Variants in CTDP1 observed in about 807,000 individuals in gnomAD.
CTDP1 encodes the protein CTD phosphatase 1.
A neutral mutation model predicts 91.8 loss-of-function variants in CTDP1; 47 were observed. The observed-to-expected ratio is 0.51, with a 90% CI of 0.41 to 0.65. The LOEUF (loss-of-function observed/expected upper bound fraction) is 0.65. Ranked by LOEUF, CTDP1 falls within the 30% of genes least tolerant of loss-of-function variation. The probability of loss-of-function intolerance (pLI) is 0.00; values close to 1 mark genes in which losing one functional copy is unlikely to be tolerated. For missense variants in CTDP1, 1,272 were observed against 1,373.7 expected (o/e 0.93, Z 1.17); for synonymous variants, 656 against 598.5 (o/e 1.10, Z -1.40).
At chr18:79,739,156 C>T (rs1041994723) in intron 12 of CTDP1, among the ~76,000 whole-genome samples, 3 of 152,220 alleles carry the variant, frequency 2.0e-5, no homozygotes, top group Admixed American at 6.5e-5. Context: ...GGATTTGCAG[C>T]GTGCTCTTTG....
In CTDP1 at chr18:79,697,102, G is replaced by A. The variant is rs112269429; in HGVS notation, c.493-758G>A. Among the ~76,000 whole-genome samples the A allele has an allele frequency of 6.3e-3, 961 of 152,298 alleles. 13 individuals carry two copies. The highest frequency in any genetic ancestry group is 0.022 in the African/African-American group (896 of 41,582). Reference sequence around the variant, plus strand: ...TTAAACAAATGTAAAATGTGTATGCGTAAACCAAAGCTGGCAAGTTTGAGG... The same window carrying A: ...TTAAACAAATGTAAAATGTGTATGCATAAACCAAAGCTGGCAAGTTTGAGG... On this transcript the variant is annotated intron_variant, in intron 3 of 12. Transcript: ENST00000613122.
chr18:79,721,980 C>T (rs487172), intron 10 of CTDP1, among the ~76,000 whole-genome samples: 3 of 151,834 alleles, frequency 2.0e-5, no homozygotes, highest in Non-Finnish European at 2.9e-5. Context: ...CGTGCCACCA[C>T]GCCTGGCTAA....
Position 79,713,920 on chromosome 18 carries a change from C to T in CTDP1, c.1031-571C>T, listed in dbSNP as rs1468791936. 1.4e-5 allele frequency among the ~76,000 whole-genome samples: 2 copies of T among 146,104 alleles called. No homozygotes were observed. The highest frequency in any genetic ancestry group is 2.5e-5 in the African/African-American group (1 of 40,060). On this transcript the variant is annotated intron_variant, in intron 7 of 12. Coordinates refer to ENST00000613122, the MANE Select transcript of CTDP1 (RefSeq NM_004715.5). The surrounding 1 kb of genome is among the most constrained non-coding windows in gnomAD (Gnocchi z 4.7). ...GTGGCGCCAGGTCTGCAGGGGCTTA[C>T]GGCCACGGTGGCGCCAGGTCTGCAG...
At chr18:79,684,516 G>A (rs1055732944) in intron 1 of CTDP1, among the ~76,000 whole-genome samples, 5 of 152,006 alleles carry the variant, frequency 3.3e-5, no homozygotes, top group African/African-American at 1.2e-4. Flanking sequence ...CCGTGCCCTC[G>A]TTGCCTGCAT....
At position 79,753,944 on chromosome 18, in the gene CTDP1, A is replaced by C; in HGVS notation, c.*154A>C. ...ATACAGAAACACATTATTTTGCAGA[A>C]ATAGGTGTTTTTAAGAAGTTTTACT... is the stretch of plus-strand genomic sequence containing the variant. On this transcript the variant is annotated 3_prime_UTR_variant, in exon 13 of 13. Coordinates refer to ENST00000613122, the MANE Select transcript of CTDP1 (RefSeq NM_004715.5). 9.1e-7 allele frequency: 1 copy of C among 1,094,942 alleles called. No homozygotes were observed. The highest frequency in any genetic ancestry group is 1.5e-5 in the South Asian group (1 of 64,858). 67.8% of individuals were successfully genotyped at this position (1,094,942 alleles called of 1,614,324 possible). A position where few individuals can be genotyped will look rare whatever the true frequency, so the allele number is the denominator to read the frequency against.
At position 79,680,089 on chromosome 18, in the gene CTDP1, G is replaced by C; in HGVS notation, c.142G>C (p.Val48Leu). The C allele has an allele frequency of 7.1e-7, 1 of 1,402,036 alleles. No individual in the cohort carries two copies. The highest frequency in any genetic ancestry group is 9.3e-7 in the Non-Finnish European group (1 of 1,077,378). The allele number at this position is 1,402,036 out of a possible 1,614,324, so 86.8% of individuals were successfully genotyped here. ...AAGAAVRIGSVLAVFEAAASA... is the reference protein window; with the variant it reads ...AAGAAVRIGSLLAVFEAAASA... The stretch of plus-strand genomic sequence containing the variant: ...GGGCGCGGCCGTGCGCATCGGCTCG[G>C]TGCTGGCCGTGTTCGAGGCCGCCGC... The change falls in exon 1 of 13, where the codon GTG (valine) becomes CTG (leucine). Residue 48 changes from valine (V) to leucine (L), a missense_variant. By Grantham distance (32) the Val-to-Leu change is conservative (BLOSUM62 1). This residue lies in a region of CTDP1 where 214 missense variants were observed against 179.1 expected (regional missense o/e 1.19). Transcript: ENST00000613122.
chr18:79,738,110 A>G (rs1051782840), intron 12 of CTDP1, among the ~76,000 whole-genome samples: 1 of 150,590 alleles, frequency 6.6e-6, no homozygotes, highest in East Asian at 2.0e-4. Context: ...GGTGGAGTAC[A>G]TCTCCCAGAA....
intron 1 of CTDP1, among the ~76,000 whole-genome samples, chr18:79,682,807 T>C (rs1384655149): frequency 3.3e-5 from 5 of 152,162 alleles, no homozygotes; most frequent in Non-Finnish European, 7.4e-5. Flanking sequence ...TGGAAGTCTT[T>C]CCATAATAGA....
rs1250877099 is a variant in CTDP1 at position 79,739,880 on chromosome 18, T to TCGGCGCTTGCTCCCTGCCTG, written c.2747+3360_2747+3361insGGCGCTTGCTCCCTGCCTGC. ...TACCCACGGCCGGGACGGGTGGGAC[T>TCGGCGCTTGCTCCCTGCCTG]CTCATACCCACGGCCGGGACGGGTG... On this transcript the variant is annotated intron_variant, in intron 12 of 12. Coordinates refer to ENST00000613122, the MANE Select transcript of CTDP1 (RefSeq NM_004715.5). Among the ~76,000 whole-genome samples, 13 of 3,616 alleles carry TCGGCGCTTGCTCCCTGCCTG rather than the reference T, an allele frequency of 3.6e-3. 1 individual carries two copies. Among genetic ancestry groups the TCGGCGCTTGCTCCCTGCCTG allele is most frequent in the East Asian group, 0.017 (4 of 232 alleles). The allele number at this position is 3,616 out of a possible 152,430, so 2.4% of individuals were successfully genotyped here.
At chr18:79,719,446 C>G (rs914671065) in intron 10 of CTDP1, among the ~76,000 whole-genome samples, 1 of 152,142 alleles carries the variant, frequency 6.6e-6, no homozygotes, top group Non-Finnish European at 1.5e-5. Flanking sequence ...ATTCTGATGA[C>G]AGGGAAGAGG....
At position 79,695,249 on chromosome 18, in the gene CTDP1, A is replaced by C. The variant is rs746265488; in HGVS notation, c.339A>C (p.Gly113=). Residue 113 remains glycine (G), a synonymous_variant, in exon 2 of 13, where the codon GGA becomes GGC. Coordinates refer to ENST00000613122, the MANE Select transcript of CTDP1 (RefSeq NM_004715.5). ...APGAVLVRLE[G]CSHPVVMKGL... ...GAGCGGTTCTGGTGAGGTTGGAAGG[A>C]TGCAGCCACCCGGTTGTCATGAAAG... The C allele has an allele frequency of 6.2e-7, 1 of 1,614,122 alleles. No individual in the cohort carries two copies. Among genetic ancestry groups the C allele is most frequent in the East Asian group, 2.2e-5 (1 of 44,878 alleles).
At chr18:79,718,127 T>C (rs886985886) in intron 10 of CTDP1, 111 bp downstream of exon 10, 2 of 1,261,542 alleles carry the variant, frequency 1.6e-6, no homozygotes, top group East Asian at 5.0e-5. Context: ...GGGTGGAGGC[T>C]GCAGACGGTG....
At chr18:79,719,158 C>T (rs751017561) in intron 10 of CTDP1, among the ~76,000 whole-genome samples, 6 of 152,260 alleles carry the variant, frequency 3.9e-5, no homozygotes, top group South Asian at 2.1e-4. Context: ...CCTCTGGAAA[C>T]GCGCTCTAGT....
chr18:79,742,181 T>TGAGA (rs35935192), intron 12 of CTDP1, among the ~76,000 whole-genome samples: 21 of 99,954 alleles, frequency 2.1e-4, no homozygotes, highest in African/African-American at 2.8e-4. Flanking sequence ...GCATGAAGCA[T>TGAGA]GAGAGAGAGA....
chr18:79,683,961 C>T (rs1214687943), intron 1 of CTDP1, among the ~76,000 whole-genome samples: 1 of 152,238 alleles, frequency 6.6e-6, no homozygotes, highest in African/African-American at 2.4e-5. Context: ...TTGATCCTTT[C>T]ACAGGGCTTA....
intron 1 of CTDP1, chr18:79,680,836 G>T (rs2085348753): frequency 6.6e-6 from 1 of 152,348 alleles, no homozygotes; most frequent in Non-Finnish European, 1.5e-5. Context: ...CGTTGTGACA[G>T]ACTCCACAGC....
intron 1 of CTDP1, among the ~76,000 whole-genome samples, chr18:79,683,854 T>G (rs761916804): frequency 2.6e-4 from 40 of 152,234 alleles, no homozygotes; most frequent in Non-Finnish European, 5.3e-4. Context: ...CTCTTGAGGC[T>G]TGGTCGCTGT....
chr18:79,700,944 G>A lies in CTDP1; in HGVS notation c.621+2956G>A, dbSNP rs1166449264. Reference sequence around the variant, plus strand: ...ATGATGCTAAATCTCCTCTGCCTGTGCTCCATCCATGGAACAACAAAGGCT... The same window carrying A: ...ATGATGCTAAATCTCCTCTGCCTGTACTCCATCCATGGAACAACAAAGGCT... On this transcript the variant is annotated intron_variant, in intron 4 of 12. Transcript: ENST00000613122. 2.0e-5 allele frequency among the ~76,000 whole-genome samples: 3 copies of A among 152,166 alleles called. No individual in the cohort carries two copies. The East Asian group carries it at 5.8e-4, about 29-fold the overall frequency.
chr18:79,681,515 C>T (rs1250709235), intron 1 of CTDP1: 4 of 984,472 alleles, frequency 4.1e-6, no homozygotes, highest in Non-Finnish European at 4.8e-6. Flanking sequence ...TTGGCCTAGA[C>T]AGGTGAGTAA....
Sources: gnomAD v4.1 joint callset for allele counts (sites outside exome capture counted in the v4.1 genomes callset) on GRCh38, gnomAD v4.1.1 for gene constraint, gnomAD v4.1.1 regional missense constraint, Gnocchi (gnomAD v3.1) non-coding constraint, MANE v1.5 for transcripts, NCBI Gene and HGNC (gene_info 2026-07-23, HGNC 2026-07-21) for gene names.